PPP1R21: variants seen among roughly 807,000 people sequenced by gnomAD.
PPP1R21 encodes KLRAQ motif containing 1.
PPP1R21 carries 85 observed loss-of-function variants against 112.8 expected under a neutral mutation model. The ratio of observed to expected loss-of-function variants is 0.75; its 90% CI spans 0.63 to 0.90. The LOEUF is 0.90. PPP1R21 is among the 40% of genes least tolerant of loss of function. The pLI is 0.00. For synonymous variants in PPP1R21, 381 were observed against 322.3 expected (o/e 1.18, Z -1.95); for missense variants, 1,199 against 901.5 (o/e 1.33, Z -4.23).
At chr2:48,509,477 G>A (rs1235149073) in intron 19 of PPP1R21, among the ~76,000 whole-genome samples, 2 of 151,758 alleles carry the variant, frequency 1.3e-5, no homozygotes, top group Admixed American at 1.3e-4. Flanking sequence ...AGGCTGAGGT[G>A]GGCAGATCAC....
rs143142958 is a variant in PPP1R21, at chr2:48,498,721, C to T, written c.1921C>T (p.Gln641Ter). 3 of 1,614,016 alleles carry T rather than the reference C, an allele frequency of 1.9e-6. No individual in the cohort carries two copies. The highest frequency in any genetic ancestry group is 2.5e-6 in the Non-Finnish European group (3 of 1,180,020). ...AGCTAAGGCTGTGTTGGAGCCCATT[C>T]AGAGCACCAGTCTAGTAAGTGTCTT... ...ATAKAVLEPI[Q>*]STSLIGTLTR... The change falls in exon 17 of 22, where the codon CAG becomes TAG. Residue 641 changes from glutamine to a stop codon, truncating the protein, a stop_gained. Coordinates refer to ENST00000294952, the MANE Select transcript of PPP1R21 (RefSeq NM_001135629.3). LOFTEE classifies it high-confidence loss of function.
chr2:48,460,991 C>G, intron 6 of PPP1R21, 147 bp from the exon 7 acceptor site: 3 of 1,335,646 alleles, frequency 2.2e-6, no homozygotes, highest in South Asian at 1.7e-5. Context: ...TGTTATCTTC[C>G]TCTTTTAACA....
At chr2:48,448,483 A>T (rs567851660) in intron 1 of PPP1R21, among the ~76,000 whole-genome samples, 1 of 152,198 alleles carries the variant, frequency 6.6e-6, no homozygotes. Context: ...GTGAACTTCA[A>T]GCTTCATTCT....
intron 13 of PPP1R21, among the ~76,000 whole-genome samples, chr2:48,485,120 C>G (rs146932172): frequency 1.3e-5 from 2 of 152,140 alleles, no homozygotes; most frequent in East Asian, 3.9e-4. Flanking sequence ...GGAGATTTCT[C>G]TCATTTTTAG....
intron 1 of PPP1R21, among the ~76,000 whole-genome samples, chr2:48,442,509 A>G (rs774775393): frequency 9.9e-5 from 15 of 152,202 alleles, no homozygotes; most frequent in South Asian, 2.1e-4. Flanking sequence ...TTAGCAGACA[A>G]TATGTGCCCC....
At chr2:48,471,968 A>G (rs1385867020) in intron 11 of PPP1R21, among the ~76,000 whole-genome samples, 4 of 152,116 alleles carry the variant, frequency 2.6e-5, no homozygotes, top group South Asian at 2.1e-4. Context: ...GGCCGGGCGC[A>G]GTGGCTCACG....
At chr2:48,511,073 G>T (rs147555804) in intron 20 of PPP1R21, among the ~76,000 whole-genome samples, 21 of 152,056 alleles carry the variant, frequency 1.4e-4, no homozygotes, top group Non-Finnish European at 2.9e-4. Context: ...GTACATGTTT[G>T]GGGGGGACAT....
At chr2:48,443,067 T>A (rs11676078) in intron 1 of PPP1R21, among the ~76,000 whole-genome samples, 19,158 of 151,978 alleles carry the variant, frequency 0.13, 1,336 homozygotes, top group African/African-American at 0.18. Flanking sequence ...GGCTATAGAG[T>A]AGGGGCTAGA....
At chr2:48,489,239 G>C (rs1669446794) in intron 14 of PPP1R21, among the ~76,000 whole-genome samples, 1 of 151,998 alleles carries the variant, frequency 6.6e-6, no homozygotes, top group Non-Finnish European at 1.5e-5. Flanking sequence ...ATTTATATCA[G>C]CATTTCATAT....
chr2:48,510,644 ACACAG>A, intron 20 of PPP1R21, among the ~76,000 whole-genome samples: 1 of 152,352 alleles, frequency 6.6e-6, no homozygotes, highest in East Asian at 1.9e-4. Context: ...TTAATTAGGC[ACACAG>A]GATTAGATTT....
intron 16 of PPP1R21, among the ~76,000 whole-genome samples, chr2:48,497,777 G>A (rs1038982655): frequency 6.6e-6 from 1 of 151,072 alleles, no homozygotes; most frequent in Non-Finnish European, 1.5e-5. Flanking sequence ...TCAGCCTCCC[G>A]AGTAGCTGGG....
At position 48,511,491 on chromosome 2, in the gene PPP1R21, G is replaced by C. The variant is rs745951384; in HGVS notation, c.2313+23G>C. The C allele has an allele frequency of 1.1e-5, 18 of 1,605,596 alleles. No homozygotes were observed. The African/African-American group carries it at 2.3e-4, about 20-fold the overall frequency. On this transcript the variant is annotated intron_variant, in intron 21 of 21. Transcript: ENST00000294952. The stretch of plus-strand genomic sequence containing the variant: ...AAGGTATGTGAGGTGAGGTGAGGTA[G>C]TCTCTCTGCAATATAATATTTAATG...
At chr2:48,479,300 G>C (rs1668897813) in intron 12 of PPP1R21, among the ~76,000 whole-genome samples, 1 of 152,186 alleles carries the variant, frequency 6.6e-6, no homozygotes, top group Admixed American at 6.5e-5. Context: ...TATACCTATT[G>C]GGAATGGAAT....
intron 8 of PPP1R21, 100 bp from the exon 9 acceptor site, chr2:48,465,393 A>G: frequency 9.4e-7 from 1 of 1,068,086 alleles, no homozygotes; most frequent in East Asian, 2.5e-5. Context: ...AGGAATAATC[A>G]CACTAGGATT....
At chr2:48,472,333 A>G (rs757003407) in intron 11 of PPP1R21, among the ~76,000 whole-genome samples, 110 of 151,840 alleles carry the variant, frequency 7.2e-4, no homozygotes, top group Non-Finnish European at 1.3e-3. Context: ...AATTTAGAAA[A>G]TAAGTAGGTT....
intron 13 of PPP1R21, among the ~76,000 whole-genome samples, chr2:48,481,507 AACTTT>A (rs1251481426): frequency 4.6e-5 from 7 of 152,224 alleles, no homozygotes; most frequent in Non-Finnish European, 8.8e-5. Flanking sequence ...TCTCTTCCAG[AACTTT>A]ACTTAACGTA....
intron 12 of PPP1R21, among the ~76,000 whole-genome samples, chr2:48,478,544 G>A (rs1668860497): frequency 6.6e-6 from 1 of 152,132 alleles, no homozygotes; most frequent in African/African-American, 2.4e-5. Context: ...CTGATTGATT[G>A]CTCTCATTTT....
intron 12 of PPP1R21, among the ~76,000 whole-genome samples, chr2:48,478,033 T>C (rs985450676): frequency 6.6e-5 from 10 of 152,144 alleles, no homozygotes; most frequent in Admixed American, 2.6e-4. Context: ...GAGACAGAGA[T>C]ACAAGGGGGA....
intron 11 of PPP1R21, among the ~76,000 whole-genome samples, chr2:48,473,255 AAT>A (rs1466883591): frequency 6.6e-6 from 1 of 152,110 alleles, no homozygotes. Flanking sequence ...ATTATGAACT[AAT>A]AGTTTTATTT....
Sources: allele counts gnomAD v4.1 joint callset (sites outside exome capture counted in the v4.1 genomes callset), GRCh38; gene constraint gnomAD v4.1.1; transcripts MANE v1.5; gene names NCBI Gene and HGNC (gene_info 2026-07-23, HGNC 2026-07-21).